The following NRIP1 variants were observed in gnomAD, a reference collection of about 807,000 sequenced individuals.
NRIP1 encodes the protein nuclear receptor-interacting protein 1.
NRIP1 carries 28 observed loss-of-function variants against 75.0 expected under a neutral mutation model. The observed-to-expected ratio is 0.37, with a 90% CI of 0.28 to 0.51. NRIP1 has a LOEUF of 0.51. Ranked by LOEUF, NRIP1 falls within the 20% of genes least tolerant of loss-of-function variation. The probability of loss-of-function intolerance (pLI) is 0.92; values close to 1 mark genes in which losing one functional copy is unlikely to be tolerated. For missense variants in NRIP1, 1,435 were observed against 1,343.7 expected (o/e 1.07, Z -1.06); for synonymous variants, 526 against 487.6 (o/e 1.08, Z -1.04).
chr21:15,045,577 T>A (rs2089054560), intron 1 of NRIP1, among the ~76,000 whole-genome samples: 1 of 152,248 alleles, frequency 6.6e-6, no homozygotes. Flanking sequence ...ATGATCAGGC[T>A]TGTGGTTGCT....
At chr21:15,027,585 G>A (rs1483858296) in intron 2 of NRIP1, among the ~76,000 whole-genome samples, 3 of 152,152 alleles carry the variant, frequency 2.0e-5, no homozygotes, top group Non-Finnish European at 4.4e-5. Context: ...ATCAAAGAAT[G>A]AGGCTAATTC....
intron 1 of NRIP1, among the ~76,000 whole-genome samples, chr21:15,059,131 A>G (rs2089369211): frequency 6.6e-6 from 1 of 152,194 alleles, no homozygotes; most frequent in Non-Finnish European, 1.5e-5. Flanking sequence ...CATCAACATC[A>G]GGTCAACCAG....
At chr21:15,061,019 G>A (rs952721056) in intron 1 of NRIP1, among the ~76,000 whole-genome samples, 4 of 152,078 alleles carry the variant, frequency 2.6e-5, no homozygotes, top group East Asian at 1.9e-4. Context: ...ACTACAGGAT[G>A]AGCCTGCTCA....
At chr21:14,994,418 T>G (rs1259052972) in intron 3 of NRIP1, among the ~76,000 whole-genome samples, 1 of 152,180 alleles carries the variant, frequency 6.6e-6, no homozygotes, top group Non-Finnish European at 1.5e-5. Flanking sequence ...TTGCAAGATT[T>G]TTATGCTATA....
Position 14,965,221 on chromosome 21 carries a change from G to A in NRIP1, c.2972C>T (p.Pro991Leu). The A allele has an allele frequency of 6.2e-7, 1 of 1,613,836 alleles. No individual in the cohort carries two copies. Among genetic ancestry groups the A allele is most frequent in the Non-Finnish European group, 8.5e-7 (1 of 1,179,922 alleles). ...LNGLMYSSTQPSSCMDNRTFS... is the reference protein window; with the variant it reads ...LNGLMYSSTQLSSCMDNRTFS... ...TGTCCTGTTATCCATGCAACTGCTGGGCTGAGTGGAACTGTACATCAGTCC... is the reference window on the plus strand; with the variant it reads ...TGTCCTGTTATCCATGCAACTGCTGAGCTGAGTGGAACTGTACATCAGTCC... Residue 991 changes from proline (P) to leucine (L), a missense_variant, in exon 4 of 4, where the codon CCC becomes CTC. Physicochemically the swap from Pro to Leu is moderately conservative, Grantham distance 98. Coordinates refer to ENST00000318948, the MANE Select transcript of NRIP1 (RefSeq NM_003489.4).
intron 2 of NRIP1, among the ~76,000 whole-genome samples, chr21:15,030,929 A>C (rs1185992319): frequency 7.8e-6 from 1 of 128,882 alleles, no homozygotes; most frequent in East Asian, 2.0e-4. Context: ...ATGTGTGTAC[A>C]CTCTGGAAGG....
chr21:15,038,494 G>A (rs2088882263), intron 2 of NRIP1, among the ~76,000 whole-genome samples: 1 of 151,828 alleles, frequency 6.6e-6, no homozygotes, highest in Non-Finnish European at 1.5e-5. Flanking sequence ...TTTTATAAAT[G>A]TACTTCTCAG....
intron 2 of NRIP1, among the ~76,000 whole-genome samples, chr21:15,038,177 C>T (rs2088875928): frequency 6.6e-6 from 1 of 152,078 alleles, no homozygotes; most frequent in Non-Finnish European, 1.5e-5. Context: ...ATTTATCCTA[C>T]AATGTAACAA....
At chr21:14,983,818 C>T (rs1191652916) in intron 3 of NRIP1, among the ~76,000 whole-genome samples, 1 of 152,122 alleles carries the variant, frequency 6.6e-6, no homozygotes, top group Admixed American at 6.5e-5. Flanking sequence ...AACAACAAAG[C>T]CTGGAGGAAA....
intron 3 of NRIP1, among the ~76,000 whole-genome samples, chr21:14,998,822 T>C (rs2087789479): frequency 6.6e-6 from 1 of 152,194 alleles, no homozygotes; most frequent in South Asian, 2.1e-4. Flanking sequence ...ATAAAATACA[T>C]GTCAATCAAC....
At position 15,043,340 on chromosome 21, in the gene NRIP1, A is replaced by G. The variant is rs17000883; in HGVS notation, c.-458+155T>C. 7.1e-3 allele frequency among the ~76,000 whole-genome samples: 1,076 copies of G among 152,346 alleles called. 9 individuals carry two copies. Among genetic ancestry groups the G allele is most frequent in the African/African-American group, 0.024 (1,011 of 41,574 alleles). The stretch of plus-strand genomic sequence containing the variant: ...CAAAATTTTGATTTACCAAAATTGA[A>G]ATATAACCTTCTTTGTGACAAATGG... On this transcript the variant is annotated intron_variant, in intron 2 of 3. Coordinates refer to ENST00000318948, the MANE Select transcript of NRIP1 (RefSeq NM_003489.4).
At chr21:15,037,926 A>T (rs2088871123) in intron 2 of NRIP1, among the ~76,000 whole-genome samples, 1 of 152,182 alleles carries the variant, frequency 6.6e-6, no homozygotes, top group South Asian at 2.1e-4. Context: ...AAGTTACTGC[A>T]GTAACTATCT....
chr21:14,964,884 T>C lies in NRIP1; in HGVS notation c.3309A>G (p.Thr1103=), dbSNP rs2086681596. Residue 1103 remains threonine, a synonymous_variant, in exon 4 of 4, where the codon ACA becomes ACG. Transcript: ENST00000318948. ...ASSAESVSQV[T]AKEELLPTAE... Reference sequence around the variant, plus strand: ...CAGTAGGAAGTAACTCTTCTTTGGCTGTGACCTGTGAGACACTTTCAGCAG... The same window carrying C: ...CAGTAGGAAGTAACTCTTCTTTGGCCGTGACCTGTGAGACACTTTCAGCAG... The C allele has an allele frequency of 6.2e-7, 1 of 1,613,128 alleles. No individual in the cohort carries two copies. Among genetic ancestry groups the C allele is most frequent in the Non-Finnish European group, 8.5e-7 (1 of 1,179,632 alleles).
intron 2 of NRIP1, among the ~76,000 whole-genome samples, chr21:15,030,135 C>A (rs1438412355): frequency 6.6e-6 from 1 of 152,170 alleles, no homozygotes; most frequent in Non-Finnish European, 1.5e-5. Flanking sequence ...GGGAAAATAG[C>A]CATCTTTCAA....
intron 1 of NRIP1, among the ~76,000 whole-genome samples, chr21:15,054,517 T>G (rs754544545): frequency 6.6e-5 from 10 of 152,230 alleles, no homozygotes; most frequent in Admixed American, 1.3e-4. Context: ...TTTCACTTTT[T>G]CCCTCATAAT....
intron 3 of NRIP1, chr21:14,988,093 T>C (rs1246511822): frequency 1.3e-5 from 2 of 152,166 alleles, no homozygotes; most frequent in Non-Finnish European, 1.5e-5. Flanking sequence ...CCACAAAGCA[T>C]TGTGGTGAAA....
chr21:15,062,407 G>C (rs1040875677), intron 1 of NRIP1, among the ~76,000 whole-genome samples: 4 of 152,172 alleles, frequency 2.6e-5, no homozygotes, highest in African/African-American at 9.7e-5. Flanking sequence ...ACTTCAAAAA[G>C]TTCTAATGGC....
intron 3 of NRIP1, chr21:15,002,465 C>A (rs1307413098): frequency 1.3e-5 from 2 of 151,630 alleles, no homozygotes; most frequent in African/African-American, 4.9e-5. Flanking sequence ...ACAGCATGGT[C>A]AAAATTAAAC....
chr21:15,008,953 C>G (rs2088038786), intron 3 of NRIP1, among the ~76,000 whole-genome samples: 1 of 152,116 alleles, frequency 6.6e-6, no homozygotes, highest in East Asian at 1.9e-4. Flanking sequence ...GTTTAAATTT[C>G]TAATATGATA....
Sources: allele counts gnomAD v4.1 joint callset (sites outside exome capture counted in the v4.1 genomes callset), GRCh38; gene constraint gnomAD v4.1.1; transcripts MANE v1.5; gene names NCBI Gene and HGNC (gene_info 2026-07-23, HGNC 2026-07-21).